SORCS1: variants seen among roughly 807,000 people sequenced by gnomAD.
The protein encoded by SORCS1 is sortilin related VPS10 domain containing receptor 1, also known as VPS10 domain-containing receptor SorCS1.
SORCS1 carries 60 observed loss-of-function variants against 146.1 expected under a neutral mutation model. The ratio of observed to expected loss-of-function variants is 0.41; its 90% CI spans 0.33 to 0.51. The LOEUF (loss-of-function observed/expected upper bound fraction) is 0.51. Ranked by LOEUF, SORCS1 falls within the 20% of genes least tolerant of loss-of-function variation. SORCS1 has a pLI of 0.21. For missense variants in SORCS1, 1,352 were observed against 1,487.6 expected, an observed-to-expected ratio of 0.91 and a Z score of 1.50; for synonymous variants, 637 against 584.0, an observed-to-expected ratio of 1.09 and a Z score of -1.31.
intron 1 of SORCS1, among the ~76,000 whole-genome samples, chr10:107,036,316 T>C (rs1388766495): frequency 6.6e-6 from 1 of 152,242 alleles, no homozygotes; most frequent in Admixed American, 6.5e-5. Flanking sequence ...ATAGGTTTTA[T>C]GCAAATAGTA....
At chr10:106,810,748 A>G (rs1947416408) in intron 3 of SORCS1, among the ~76,000 whole-genome samples, 1 of 152,138 alleles carries the variant, frequency 6.6e-6, no homozygotes, top group Non-Finnish European at 1.5e-5. Context: ...CTACCTGCTC[A>G]CTGTGCTCTC....
intron 3 of SORCS1, among the ~76,000 whole-genome samples, chr10:106,806,521 T>A (rs944846159): frequency 1.1e-4 from 13 of 114,338 alleles, no homozygotes; most frequent in Non-Finnish European, 7.4e-5. Flanking sequence ...TTTTTTTTTT[T>A]TTTTTTTTTT....
At chr10:106,789,839 A>G (rs1039722916) in intron 3 of SORCS1, among the ~76,000 whole-genome samples, 2 of 152,192 alleles carry the variant, frequency 1.3e-5, no homozygotes, top group African/African-American at 4.8e-5. Flanking sequence ...AGATTAGGTA[A>G]TTTATAAAGC....
chr10:106,976,325 G>GTTTTTTTGGT (rs1554901299), intron 1 of SORCS1, among the ~76,000 whole-genome samples: 22 of 90,490 alleles, frequency 2.4e-4, no homozygotes, highest in African/African-American at 7.7e-4. Context: ...CATCATCTAG[G>GTTTTTTTGGT]TTTTTTTGTT....
intron 1 of SORCS1, among the ~76,000 whole-genome samples, chr10:106,966,346 A>G (rs1381527688): frequency 6.6e-6 from 1 of 152,194 alleles, no homozygotes; most frequent in Non-Finnish European, 1.5e-5. Context: ...AACATACTTG[A>G]CGAAATGAAA....
chr10:107,143,758 C>T (rs1462333611), intron 1 of SORCS1, among the ~76,000 whole-genome samples: 1 of 152,094 alleles, frequency 6.6e-6, no homozygotes, highest in Non-Finnish European at 1.5e-5. Context: ...CCCGCCTTGG[C>T]CTCCCAAAGT....
intron 2 of SORCS1, among the ~76,000 whole-genome samples, chr10:106,936,252 T>C (rs778781577): frequency 2.4e-4 from 37 of 152,192 alleles, no homozygotes; most frequent in Non-Finnish European, 3.8e-4. Flanking sequence ...GACTGGTATC[T>C]CATGGGCACT....
intron 16 of SORCS1, among the ~76,000 whole-genome samples, chr10:106,669,299 A>G (rs978959647): frequency 2.0e-5 from 3 of 152,306 alleles, no homozygotes; most frequent in Admixed American, 2.0e-4. Flanking sequence ...CCTGTAGAAA[A>G]GATTCCCAGA....
At chr10:106,738,463 G>A (rs901996279) in intron 5 of SORCS1, among the ~76,000 whole-genome samples, 4 of 152,156 alleles carry the variant, frequency 2.6e-5, no homozygotes, top group South Asian at 2.1e-4. Context: ...GGCCAGGAAG[G>A]TGAAAGCCTA....
intron 6 of SORCS1, among the ~76,000 whole-genome samples, chr10:106,718,202 G>T (rs1005464129): frequency 6.6e-6 from 1 of 152,176 alleles, no homozygotes; most frequent in African/African-American, 2.4e-5. Context: ...TGTGTTTTGC[G>T]AGAAAGTCCT....
intron 3 of SORCS1, among the ~76,000 whole-genome samples, chr10:106,810,122 G>A (rs1947386077): frequency 6.6e-6 from 1 of 152,170 alleles, no homozygotes; most frequent in African/African-American, 2.4e-5. Context: ...CTGGGAGGCT[G>A]AGGCAGGAGA....
chr10:106,648,579 G>A (rs1002069586), intron 18 of SORCS1, among the ~76,000 whole-genome samples: 5 of 152,102 alleles, frequency 3.3e-5, no homozygotes, highest in African/African-American at 9.7e-5. Context: ...TATTTTGTGT[G>A]TGTGTCTCTG....
At chr10:107,134,090 T>C (rs1043974119) in intron 1 of SORCS1, among the ~76,000 whole-genome samples, 4 of 152,116 alleles carry the variant, frequency 2.6e-5, no homozygotes, top group Non-Finnish European at 5.9e-5. Flanking sequence ...GTGGTGACAA[T>C]AAAGGAGTCA....
intron 5 of SORCS1, among the ~76,000 whole-genome samples, chr10:106,757,550 C>A (rs1446959898): frequency 6.6e-6 from 1 of 152,140 alleles, no homozygotes; most frequent in Non-Finnish European, 1.5e-5. Flanking sequence ...AAATACAGAC[C>A]ATGTGGGCAG....
intron 1 of SORCS1, among the ~76,000 whole-genome samples, chr10:107,008,418 G>A (rs1003466783): frequency 2.0e-5 from 3 of 152,124 alleles, no homozygotes; most frequent in African/African-American, 4.8e-5. Flanking sequence ...TTAAAAGAGC[G>A]TGCAAAGATA....
intron 2 of SORCS1, among the ~76,000 whole-genome samples, chr10:106,941,513 C>T (rs1364974020): frequency 6.6e-6 from 1 of 152,210 alleles, no homozygotes; most frequent in Non-Finnish European, 1.5e-5. Flanking sequence ...GGATGGCCTT[C>T]CAAGGGCACG....
intron 24 of SORCS1, among the ~76,000 whole-genome samples, chr10:106,582,913 C>T (rs1444114234): frequency 6.6e-6 from 1 of 152,104 alleles, no homozygotes; most frequent in East Asian, 1.9e-4. Context: ...AAGTGATTGC[C>T]ACGTAGTAAG....
At chr10:106,581,178 T>C (rs1251080790) in intron 24 of SORCS1, among the ~76,000 whole-genome samples, 1 of 152,176 alleles carries the variant, frequency 6.6e-6, no homozygotes, top group South Asian at 2.1e-4. Context: ...ATTATCACAA[T>C]TGATTTTCAC....
chr10:106,882,204 C>T (rs1284417006), intron 2 of SORCS1, among the ~76,000 whole-genome samples: 1 of 151,832 alleles, frequency 6.6e-6, no homozygotes, highest in East Asian at 1.9e-4. Context: ...TTCCCTAGGC[C>T]ATATTGGACG....
Sources: allele counts gnomAD v4.1 joint callset (sites outside exome capture counted in the v4.1 genomes callset), GRCh38; gene constraint gnomAD v4.1.1; transcripts MANE v1.5; gene names NCBI Gene and HGNC (gene_info 2026-07-23, HGNC 2026-07-21).